Variants in TAPT1 observed in about 807,000 individuals in gnomAD.
TAPT1 encodes the protein transmembrane anterior posterior transformation protein 1 homolog.
A neutral mutation model predicts 65.6 loss-of-function variants in TAPT1; 28 were observed. The ratio of observed to expected loss-of-function variants is 0.43; its 90% CI spans 0.32 to 0.59. The LOEUF (loss-of-function observed/expected upper bound fraction) is 0.59. Among genes scored for constraint, TAPT1 ranks in the 20% least tolerant of loss-of-function variants. The pLI, the probability that TAPT1 is intolerant of heterozygous loss-of-function variation, is 0.09. For synonymous variants in TAPT1, 278 were observed against 245.2 expected, an observed-to-expected ratio of 1.13 and a Z score of -1.25; for missense variants, 563 against 679.9, an observed-to-expected ratio of 0.83 and a Z score of 1.91.
rs372555658 is a variant in TAPT1, at chr4:16,173,099, C to T, written c.1236+1105G>A. 1.6e-4 allele frequency among the ~76,000 whole-genome samples: 24 copies of T among 152,286 alleles called. No individual in the cohort carries two copies. The East Asian group carries it at 1.9e-3, about 12-fold the overall frequency. ...TTAGCTTCCCAAAGTGCTGGGATTA[C>T]AGGTGTGAGCCACTGTGCCCAGCTG... On this transcript the variant is annotated intron_variant, in intron 11 of 13. Transcript: ENST00000405303.
chr4:16,168,580 A>C (rs1208776039), intron 12 of TAPT1, among the ~76,000 whole-genome samples: 3 of 152,116 alleles, frequency 2.0e-5, no homozygotes, highest in Non-Finnish European at 4.4e-5. Flanking sequence ...TTCCTTACTG[A>C]AACACCAGCT....
intron 2 of TAPT1, among the ~76,000 whole-genome samples, chr4:16,203,383 A>C (rs1578463254): frequency 6.6e-6 from 1 of 152,350 alleles, no homozygotes; most frequent in African/African-American, 2.4e-5. Context: ...TTACAGGCTG[A>C]ACTGTGTCCT....
intron 1 of TAPT1, among the ~76,000 whole-genome samples, chr4:16,217,195 G>A (rs190670110): frequency 9.9e-5 from 15 of 152,258 alleles, no homozygotes; most frequent in African/African-American, 3.4e-4. Flanking sequence ...ACCTGCACCT[G>A]CCTATGATTT....
In TAPT1 at chr4:16,162,830, G is replaced by C. The variant is rs1046234; in HGVS notation, c.*478C>G. 0.11 allele frequency: 35,634 copies of C among 320,796 alleles called. 2,443 individuals are homozygous for C. Among genetic ancestry groups the C allele is most frequent in the African/African-American group, 0.21 (9,798 of 46,220 alleles). 19.9% of individuals were successfully genotyped at this position (320,796 alleles called of 1,614,324 possible). On this transcript the variant is annotated 3_prime_UTR_variant, in exon 14 of 14. Transcript: ENST00000405303. Reference sequence around the variant, plus strand: ...GGTAAGAACATTTATCTTGACTTATGTTTAATTTTTTTAATGCTTTGGCAG... The same window carrying C: ...GGTAAGAACATTTATCTTGACTTATCTTTAATTTTTTTAATGCTTTGGCAG...
Position 16,160,859 on chromosome 4 carries a change from T to C in TAPT1, c.*2449A>G, listed in dbSNP as rs1229258795. The C allele has an allele frequency of 6.6e-6, 1 of 152,650 alleles. No individual in the cohort carries two copies. The highest frequency in any genetic ancestry group is 1.5e-5 in the Non-Finnish European group (1 of 68,038). The allele number at this position is 152,650 out of a possible 1,614,324, so 9.5% of individuals were successfully genotyped here. On this transcript the variant is annotated 3_prime_UTR_variant, in exon 14 of 14. Transcript: ENST00000405303. ...TCTTTCACTTTATGTAACATGAATA[T>C]AAACTCTAAATACTGGCCAAAGTCC...
At chr4:16,177,359 G>C (rs1748397821) in intron 8 of TAPT1, among the ~76,000 whole-genome samples, 1 of 152,148 alleles carries the variant, frequency 6.6e-6, no homozygotes, top group South Asian at 2.1e-4. Context: ...GGAAAAGAAT[G>C]TAAGAGTGGG....
At chr4:16,168,204 C>G in intron 12 of TAPT1, among the ~76,000 whole-genome samples, 1 of 152,026 alleles carries the variant, frequency 6.6e-6, no homozygotes, top group East Asian at 1.9e-4. Context: ...GCCTTGAACT[C>G]CTGGGCTTAA....
intron 2 of TAPT1, among the ~76,000 whole-genome samples, chr4:16,210,811 C>G (rs1750607549): frequency 6.6e-6 from 1 of 152,052 alleles, no homozygotes; most frequent in Non-Finnish European, 1.5e-5. Flanking sequence ...ACATAGAACC[C>G]AAGGGGTTGT....
chr4:16,171,773 T>C (rs1278517933), intron 11 of TAPT1, among the ~76,000 whole-genome samples: 2 of 152,226 alleles, frequency 1.3e-5, no homozygotes, highest in Non-Finnish European at 2.9e-5. Flanking sequence ...TATTCATTAA[T>C]ATGAAAGGCA....
intron 3 of TAPT1, among the ~76,000 whole-genome samples, chr4:16,193,065 A>C (rs1157892497): frequency 6.6e-6 from 1 of 152,222 alleles, no homozygotes; most frequent in Non-Finnish European, 1.5e-5. Context: ...ACAGAAACTC[A>C]TTCTTGTTTT....
chr4:16,186,061 A>G (rs1207549901), intron 7 of TAPT1, among the ~76,000 whole-genome samples: 3 of 152,232 alleles, frequency 2.0e-5, no homozygotes, highest in East Asian at 3.8e-4. Context: ...ATGTAAGACA[A>G]TGACTCCAGG....
intron 1 of TAPT1, chr4:16,225,809 T>G (rs188491766): frequency 1.1e-6 from 1 of 886,152 alleles, no homozygotes; most frequent in African/African-American, 1.8e-5. Context: ...AAAATCTACT[T>G]GCAGGGCAAG....
At chr4:16,205,489 C>A (rs1193146258) in intron 2 of TAPT1, among the ~76,000 whole-genome samples, 1 of 152,134 alleles carries the variant, frequency 6.6e-6, no homozygotes, top group African/African-American at 2.4e-5. Flanking sequence ...GACATCCTCT[C>A]CAGGGAATTC....
At chr4:16,193,900 GTTAA>G (rs2149695222) in intron 3 of TAPT1, among the ~76,000 whole-genome samples, 2 of 152,282 alleles carry the variant, frequency 1.3e-5, no homozygotes, top group South Asian at 2.1e-4. Context: ...ATTAATTTGT[GTTAA>G]TTATGAAAAT....
At chr4:16,205,801 G>C (rs1750309211) in intron 2 of TAPT1, among the ~76,000 whole-genome samples, 1 of 152,140 alleles carries the variant, frequency 6.6e-6, no homozygotes, top group African/African-American at 2.4e-5. Context: ...CATTATGCAA[G>C]AGGCATAAAA....
At chr4:16,213,727 A>C in intron 2 of TAPT1, 41 bp downstream of exon 2, 1 of 1,500,946 alleles carries the variant, frequency 6.7e-7, no homozygotes, top group South Asian at 1.4e-5. Flanking sequence ...ACTTTGACAT[A>C]ACTTTCAAAA....
chr4:16,183,067 T>C (rs1251416350), intron 7 of TAPT1: 1 of 152,232 alleles, frequency 6.6e-6, no homozygotes, highest in Non-Finnish European at 1.5e-5. Flanking sequence ...TCTCATTAAG[T>C]AGCTACTACT....
At chr4:16,223,563 G>GT (rs1751379885) in intron 1 of TAPT1, among the ~76,000 whole-genome samples, 1 of 152,196 alleles carries the variant, frequency 6.6e-6, no homozygotes. Context: ...GTTAAAAGGT[G>GT]TAAGTACTCG....
At chr4:16,175,884 AG>A in intron 9 of TAPT1, among the ~76,000 whole-genome samples, 1 of 152,320 alleles carries the variant, frequency 6.6e-6, no homozygotes, top group Non-Finnish European at 1.5e-5. Flanking sequence ...AATGATTTTG[AG>A]TTAGTGACAC....
Sources: allele counts gnomAD v4.1 joint callset (sites outside exome capture counted in the v4.1 genomes callset), GRCh38; gene constraint gnomAD v4.1.1; transcripts MANE v1.5; gene names NCBI Gene and HGNC (gene_info 2026-07-23, HGNC 2026-07-21).